SGCD: variants seen among roughly 807,000 people sequenced by gnomAD.
SGCD encodes delta-sarcoglycan.
A neutral mutation model predicts 36.6 loss-of-function variants in SGCD; 18 were observed. The ratio of observed to expected loss-of-function variants is 0.49; its 90% CI spans 0.34 to 0.73. The LOEUF (loss-of-function observed/expected upper bound fraction) is 0.73, where lower values mean the gene tolerates loss of function less well. Among genes scored for constraint, SGCD ranks in the 30% least tolerant of loss-of-function variants. SGCD has a pLI of 0.01. For missense variants in SGCD, 387 were observed against 346.7 expected, an observed-to-expected ratio of 1.12 and a Z score of -0.92; for synonymous variants, 133 against 130.6, an observed-to-expected ratio of 1.02 and a Z score of -0.12.
chr5:156,318,778 T>G (rs1767586874), intron 3 of SGCD, among the ~76,000 whole-genome samples: 1 of 152,112 alleles, frequency 6.6e-6, no homozygotes, highest in African/African-American at 2.4e-5. Context: ...GTATTTTTAG[T>G]AGAAATGGGG....
chr5:155,758,919 TTGG>T, the SGCD span, among the ~76,000 whole-genome samples: 1 of 152,162 alleles, frequency 6.6e-6, no homozygotes, highest in Non-Finnish European at 1.5e-5. Context: ...CTCAGGGAAG[TTGG>T]TGGTCAGTTT....
the SGCD span, among the ~76,000 whole-genome samples, chr5:155,763,084 T>C: frequency 2.0e-5 from 3 of 152,226 alleles, no homozygotes; most frequent in Non-Finnish European, 4.4e-5. Flanking sequence ...TACAGTTGTT[T>C]CTTTTGTTTT....
At position 156,765,887 on chromosome 5, in the gene SGCD, T is replaced by C. The variant is rs906233270; in HGVS notation, c.*6497T>C. On this transcript the variant is annotated 3_prime_UTR_variant, in exon 9 of 9. Coordinates refer to ENST00000337851, the MANE Select transcript of SGCD (RefSeq NM_000337.6). ...AGATGAAGCTATAGAACTTCTATTT[T>C]CCCTGCTTTCTGTAGTCTCTCACAG... 5 of 152,214 alleles carry C rather than the reference T, an allele frequency of 3.3e-5. No individual in the cohort carries two copies. The highest frequency in any genetic ancestry group is 1.2e-4 in the African/African-American group (5 of 41,460). 9.4% of individuals were successfully genotyped at this position (152,214 alleles called of 1,614,324 possible).
intron 2 of SGCD, among the ~76,000 whole-genome samples, chr5:156,123,632 C>T (rs1762100709): frequency 6.6e-6 from 1 of 152,070 alleles, no homozygotes; most frequent in African/African-American, 2.4e-5. Flanking sequence ...TTGTTAAGTC[C>T]TAAAATACCT....
chr5:156,097,501 G>C (rs993868066), intron 1 of SGCD, among the ~76,000 whole-genome samples: 3 of 152,034 alleles, frequency 2.0e-5, no homozygotes, highest in Non-Finnish European at 4.4e-5. Flanking sequence ...TCTCTGTTCA[G>C]CTATTGAGTC....
the SGCD span, among the ~76,000 whole-genome samples, chr5:155,798,009 C>T: frequency 6.6e-6 from 1 of 152,112 alleles, no homozygotes; most frequent in African/African-American, 2.4e-5. Flanking sequence ...TCAGTTGTTC[C>T]TCACCCACTG....
intron 1 of SGCD, among the ~76,000 whole-genome samples, chr5:156,014,120 T>C (rs779292006): frequency 2.6e-5 from 4 of 152,152 alleles, no homozygotes; most frequent in Non-Finnish European, 4.4e-5. Context: ...GGGCTTTTAG[T>C]TGTCTTTCTT....
chr5:156,752,099 A>G (rs577815433), intron 7 of SGCD, among the ~76,000 whole-genome samples: 18 of 152,366 alleles, frequency 1.2e-4, no homozygotes, highest in African/African-American at 3.8e-4. Flanking sequence ...AATTACAGCT[A>G]TGTGCTGAAA....
At chr5:155,889,276 T>C (rs772306856) in intron 1 of SGCD, among the ~76,000 whole-genome samples, 2 of 151,338 alleles carry the variant, frequency 1.3e-5, no homozygotes, top group African/African-American at 4.8e-5. Context: ...TTAAAAAAAA[T>C]TCAAAAAAAT....
intron 3 of SGCD, among the ~76,000 whole-genome samples, chr5:156,222,970 C>G (rs1764755168): frequency 1.3e-5 from 2 of 151,996 alleles, no homozygotes; most frequent in Non-Finnish European, 2.9e-5. Flanking sequence ...TATGCACCTC[C>G]CTGGTACATT....
chr5:156,365,056 A>T (rs999177709), intron 3 of SGCD, among the ~76,000 whole-genome samples: 6 of 152,360 alleles, frequency 3.9e-5, no homozygotes, highest in South Asian at 2.1e-4. Flanking sequence ...CTTCTGATTT[A>T]AAAATGACAG....
intron 1 of SGCD, among the ~76,000 whole-genome samples, chr5:156,100,335 A>C (rs140715376): frequency 9.9e-4 from 151 of 152,292 alleles, no homozygotes; most frequent in African/African-American, 3.5e-3. Flanking sequence ...GGTGTTTTAT[A>C]CTTTATCAGA....
At chr5:156,043,910 T>C (rs1196078172) in intron 1 of SGCD, among the ~76,000 whole-genome samples, 1 of 151,532 alleles carries the variant, frequency 6.6e-6, no homozygotes, top group Admixed American at 6.6e-5. Flanking sequence ...CAAACATTTA[T>C]TCAATGTCTT....
intron 3 of SGCD, among the ~76,000 whole-genome samples, chr5:156,229,631 T>C (rs866366236): frequency 1.1e-4 from 17 of 152,082 alleles, no homozygotes; most frequent in African/African-American, 3.9e-4. Flanking sequence ...GATAACCTGA[T>C]GACAATGTGC....
chr5:155,803,210 T>A, the SGCD span, among the ~76,000 whole-genome samples: 3 of 152,204 alleles, frequency 2.0e-5, no homozygotes, highest in African/African-American at 7.2e-5. Flanking sequence ...GCAGAGGGAA[T>A]TTAATGATAC....
intron 3 of SGCD, among the ~76,000 whole-genome samples, chr5:156,138,095 C>A (rs1762500774): frequency 6.6e-6 from 1 of 152,106 alleles, no homozygotes; most frequent in African/African-American, 2.4e-5. Context: ...CAGTGTTCTG[C>A]CTTTTGAAAC....
At chr5:156,001,085 G>C (rs1489696027) in intron 1 of SGCD, among the ~76,000 whole-genome samples, 1 of 152,086 alleles carries the variant, frequency 6.6e-6, no homozygotes, top group Admixed American at 6.5e-5. Flanking sequence ...GACTTTGTGG[G>C]GTTGACTTCT....
At chr5:156,191,102 G>A (rs962010163) in intron 3 of SGCD, among the ~76,000 whole-genome samples, 6 of 152,188 alleles carry the variant, frequency 3.9e-5, no homozygotes, top group African/African-American at 1.2e-4. Flanking sequence ...TAATAGATGG[G>A]AACGAAGTGG....
the SGCD span, among the ~76,000 whole-genome samples, chr5:155,834,124 A>G: frequency 1.3e-5 from 2 of 152,152 alleles, no homozygotes; most frequent in Non-Finnish European, 2.9e-5. Context: ...TGCTCTGGTT[A>G]TTATTAATGT....
Sources: gnomAD v4.1 joint callset for allele counts (sites outside exome capture counted in the v4.1 genomes callset) on GRCh38, gnomAD v4.1.1 for gene constraint, MANE v1.5 for transcripts, NCBI Gene and HGNC (gene_info 2026-07-23, HGNC 2026-07-21) for gene names.